RPH3A: variants seen among roughly 807,000 people sequenced by gnomAD.
RPH3A encodes the protein rabphilin 3A, also known as rabphilin-3A.
RPH3A carries 48 observed loss-of-function variants against 102.2 expected under a neutral mutation model. That is an observed-to-expected ratio of 0.47 (90% CI 0.37 to 0.60). The LOEUF (loss-of-function observed/expected upper bound fraction) is 0.60, where lower values mean the gene tolerates loss of function less well. Among genes scored for constraint, RPH3A ranks in the 20% least tolerant of loss-of-function variants. The pLI is 0.00. For missense variants in RPH3A, 781 were observed against 910.1 expected (o/e 0.86, Z 1.83); for synonymous variants, 310 against 324.3 (o/e 0.96, Z 0.47).
At chr12:112,782,895 A>G (rs577660195) in intron 1 of RPH3A, among the ~76,000 whole-genome samples, 6 of 152,296 alleles carry the variant, frequency 3.9e-5, no homozygotes, top group African/African-American at 1.4e-4. Context: ...ACATCTAATT[A>G]TTTCCTTAGG....
chr12:112,700,013 T>C (rs1012186201), intron 1 of RPH3A, among the ~76,000 whole-genome samples: 8 of 152,314 alleles, frequency 5.3e-5, no homozygotes, highest in Middle Eastern at 3.4e-3. Flanking sequence ...GAGTTTTTTT[T>C]ACATTTCCAA....
intron 1 of RPH3A, among the ~76,000 whole-genome samples, chr12:112,634,048 T>C (rs552228425): frequency 2.4e-4 from 36 of 152,188 alleles, no homozygotes; most frequent in Non-Finnish European, 4.6e-4. Context: ...TTAATGCCAA[T>C]TTAAAAAATA....
chr12:112,654,442 T>G (rs543744232), intron 1 of RPH3A, among the ~76,000 whole-genome samples: 3 of 152,142 alleles, frequency 2.0e-5, no homozygotes, highest in Admixed American at 1.3e-4. Context: ...AGTTCCAACT[T>G]CTCATTAGTT....
intron 1 of RPH3A, among the ~76,000 whole-genome samples, chr12:112,748,841 T>C (rs999347513): frequency 3.3e-5 from 5 of 152,172 alleles, no homozygotes; most frequent in Non-Finnish European, 2.9e-5. Flanking sequence ...AACTGATATT[T>C]TGGGAGATGA....
chr12:112,894,518 C>G (rs1275034094), intron 19 of RPH3A, 60 bp from the exon 20 acceptor site: 37 of 1,496,914 alleles, frequency 2.5e-5, no homozygotes, highest in Non-Finnish European at 3.3e-5. Flanking sequence ...CCTTTGGGGT[C>G]AAGAGGCTGT....
intron 1 of RPH3A, among the ~76,000 whole-genome samples, chr12:112,761,074 G>A (rs2040851838): frequency 6.6e-6 from 1 of 152,158 alleles, no homozygotes; most frequent in East Asian, 1.9e-4. Flanking sequence ...TAGTCTGGAG[G>A]AAGGTATGAG....
intron 1 of RPH3A, among the ~76,000 whole-genome samples, chr12:112,711,733 A>G (rs1250865972): frequency 2.0e-5 from 3 of 152,204 alleles, no homozygotes; most frequent in East Asian, 3.8e-4. Context: ...TATCCAGTGC[A>G]GGTAGGAGGA....
chr12:112,691,397 A>G (rs1249472889), intron 1 of RPH3A, among the ~76,000 whole-genome samples: 1 of 152,234 alleles, frequency 6.6e-6, no homozygotes, highest in Non-Finnish European at 1.5e-5. Context: ...AAGGCCATTT[A>G]CCACATTTAC....
At chr12:112,833,888 C>G (rs1299291637) in intron 3 of RPH3A, among the ~76,000 whole-genome samples, 1 of 152,038 alleles carries the variant, frequency 6.6e-6, no homozygotes, top group African/African-American at 2.4e-5. Context: ...CATTACTGCA[C>G]CTGGATAAGT....
At chr12:112,687,059 G>A (rs1309760118) in intron 1 of RPH3A, among the ~76,000 whole-genome samples, 2 of 152,202 alleles carry the variant, frequency 1.3e-5, no homozygotes, top group African/African-American at 2.4e-5. Context: ...GGGGTGCAGT[G>A]AACTACGATT....
chr12:112,845,558 C>T (rs754830783), intron 4 of RPH3A, among the ~76,000 whole-genome samples: 20 of 152,244 alleles, frequency 1.3e-4, no homozygotes, highest in Non-Finnish European at 2.5e-4. Context: ...ATTCTCCTCA[C>T]TTGCTCAAGA....
chr12:112,712,238 C>A (rs2040467929), intron 1 of RPH3A, among the ~76,000 whole-genome samples: 1 of 152,122 alleles, frequency 6.6e-6, no homozygotes, highest in African/African-American at 2.4e-5. Flanking sequence ...CAGGCACGCA[C>A]GTAATCCACC....
At chr12:112,839,417 T>G (rs2042107063) in intron 4 of RPH3A, among the ~76,000 whole-genome samples, 1 of 152,200 alleles carries the variant, frequency 6.6e-6, no homozygotes, top group South Asian at 2.1e-4. Context: ...GGATCTGGGC[T>G]TGGTGAGTGG....
chr12:112,753,057 T>C (rs1432675350), intron 1 of RPH3A, among the ~76,000 whole-genome samples: 1 of 151,322 alleles, frequency 6.6e-6, no homozygotes, highest in Non-Finnish European at 1.5e-5. Context: ...TAATTTTTCA[T>C]AGGTGGATTG....
chr12:112,691,235 A>G (rs1476215252), intron 1 of RPH3A, among the ~76,000 whole-genome samples: 2 of 152,052 alleles, frequency 1.3e-5, no homozygotes, highest in Non-Finnish European at 2.9e-5. Flanking sequence ...CGTGGTCTCG[A>G]TCTCCTGACC....
chr12:112,842,698 G>GT (rs1174973986), intron 4 of RPH3A, among the ~76,000 whole-genome samples: 2 of 152,214 alleles, frequency 1.3e-5, no homozygotes, highest in Non-Finnish European at 2.9e-5. Flanking sequence ...TGTGGAGTAC[G>GT]TATCAGTTTG....
intron 5 of RPH3A, among the ~76,000 whole-genome samples, chr12:112,857,626 C>T (rs2042431588): frequency 6.6e-6 from 1 of 152,180 alleles, no homozygotes; most frequent in Non-Finnish European, 1.5e-5. Context: ...GAAGCCCTGT[C>T]AATGCCTCCA....
chr12:112,716,546 G>C (rs950398900), intron 1 of RPH3A, among the ~76,000 whole-genome samples: 3 of 152,184 alleles, frequency 2.0e-5, no homozygotes, highest in Non-Finnish European at 2.9e-5. Context: ...TGGGTTCAAG[G>C]CATTGGCTCT....
chr12:112,596,847 C>T (rs779991617), intron 1 of RPH3A, among the ~76,000 whole-genome samples: 15 of 152,178 alleles, frequency 9.9e-5, no homozygotes, highest in South Asian at 2.1e-4. Context: ...TCCATGGTCA[C>T]GGGACATTTC....
Sources: allele counts gnomAD v4.1 joint callset (sites outside exome capture counted in the v4.1 genomes callset), GRCh38; gene constraint gnomAD v4.1.1; transcripts MANE v1.5; gene names NCBI Gene and HGNC (gene_info 2026-07-23, HGNC 2026-07-21).